Variants in MICAL3 observed in about 807,000 individuals in gnomAD.
MICAL3 encodes the protein [F-actin]-monooxygenase MICAL3.
MICAL3 carries 62 observed loss-of-function variants against 207.4 expected under a neutral mutation model. That is an observed-to-expected ratio of 0.30 (90% CI 0.24 to 0.37). MICAL3 has a LOEUF of 0.37. MICAL3 is among the 10% of genes least tolerant of loss of function. The pLI, the probability that MICAL3 is intolerant of heterozygous loss-of-function variation, is 1.00. For missense variants in MICAL3, 2,368 were observed against 2,635.6 expected, an observed-to-expected ratio of 0.90 and a Z score of 2.22; for synonymous variants, 1,077 against 1,069.3, an observed-to-expected ratio of 1.01 and a Z score of -0.14.
At position 17,821,471 on chromosome 22, in the gene MICAL3, C is replaced by A. The variant is rs1179519577; in HGVS notation, c.3487G>T (p.Glu1163Ter). 1 of 1,544,636 alleles carries A rather than the reference C, an allele frequency of 6.5e-7. No individual in the cohort carries two copies. Among genetic ancestry groups the A allele is most frequent in the Admixed American group, 2.1e-5 (1 of 48,442 alleles). The part of the protein sequence containing the change: ...QATSPIRSPQ[E>*]SALLFIPVHS... ...ACTGGAATGAACAGAAGAGCTGATTCCTGGGGAGACCGGATGGGGCTGGTG... is the reference window on the plus strand; with the variant it reads ...ACTGGAATGAACAGAAGAGCTGATTACTGGGGAGACCGGATGGGGCTGGTG... The change falls in exon 25 of 32, where the codon GAA becomes TAA. Residue 1163 changes from glutamate to a stop codon, truncating the protein, a stop_gained. Transcript: ENST00000441493. LOFTEE classifies it high-confidence loss of function.
chr22:17,916,088 A>G (rs1205718024), intron 1 of MICAL3, among the ~76,000 whole-genome samples: 2 of 148,352 alleles, frequency 1.3e-5, no homozygotes, highest in Non-Finnish European at 3.0e-5. Context: ...AAACCCAAAA[A>G]GCAACAAAAA....
rs1301758693 is a variant in MICAL3 at position 17,901,954 on chromosome 22, G to T, written c.615C>A (p.His205Gln). The T allele has an allele frequency of 1.2e-6, 2 of 1,613,436 alleles. No individual in the cohort carries two copies. Among genetic ancestry groups the T allele is most frequent in the Non-Finnish European group, 1.7e-6 (2 of 1,179,792 alleles). Residue 205 changes from histidine to glutamine, a missense_variant, in exon 5 of 32, where the codon CAC (histidine) becomes CAA (glutamine). Physicochemically the swap from His to Gln is conservative, Grantham distance 24. Transcript: ENST00000441493. ...NERIGWRALV[H>Q]PKTHPVSEYE... ...ACTCTGACACAGGATGAGTCTTGGGGTGCACCAGTGCCCGCCAGCCTATCC... is the reference window on the plus strand; with the variant it reads ...ACTCTGACACAGGATGAGTCTTGGGTTGCACCAGTGCCCGCCAGCCTATCC...
At chr22:18,016,026 T>C (rs1924032849) in intron 1 of MICAL3, among the ~76,000 whole-genome samples, 1 of 152,214 alleles carries the variant, frequency 6.6e-6, no homozygotes, top group Admixed American at 6.5e-5. Flanking sequence ...TGGGATAAAT[T>C]CCTGGGTCTG....
intron 16 of MICAL3, chr22:17,876,631 A>C (rs907636643): frequency 6.6e-6 from 1 of 152,526 alleles, no homozygotes; most frequent in Non-Finnish European, 1.5e-5. Flanking sequence ...GTCAGAGCCA[A>C]GGGGAGGAGT....
intron 1 of MICAL3, among the ~76,000 whole-genome samples, chr22:18,006,969 G>A (rs527641802): frequency 5.3e-5 from 8 of 152,116 alleles, no homozygotes; most frequent in South Asian, 2.1e-4. Flanking sequence ...CGATTCTCTC[G>A]TCTCAGCCAA....
At chr22:17,825,968 T>TC (rs1922137942) in intron 22 of MICAL3, among the ~76,000 whole-genome samples, 1 of 152,132 alleles carries the variant, frequency 6.6e-6, no homozygotes, top group Non-Finnish European at 1.5e-5. Flanking sequence ...ACCCAGCCTG[T>TC]CCCCACTTTC....
At chr22:17,976,846 G>A (rs1380539240) in intron 1 of MICAL3, among the ~76,000 whole-genome samples, 12 of 144,006 alleles carry the variant, frequency 8.3e-5, no homozygotes, top group Non-Finnish European at 1.4e-4. Context: ...TTGCTCTGTC[G>A]CCCAGGCTGG....
chr22:17,904,541 T>G (rs1397856424), intron 3 of MICAL3, 91 bp downstream of exon 3: 2 of 978,962 alleles, frequency 2.0e-6, no homozygotes, highest in Non-Finnish European at 3.3e-6. Flanking sequence ...GGGTGGCATA[T>G]GAATTCCTCA....
At chr22:17,799,645 T>G (rs2061915969) in intron 29 of MICAL3, among the ~76,000 whole-genome samples, 1 of 152,200 alleles carries the variant, frequency 6.6e-6, no homozygotes, top group Non-Finnish European at 1.5e-5. Flanking sequence ...AAGGCTGAGG[T>G]CCAGTCTAAA....
At chr22:17,972,987 G>A (rs931402050) in intron 1 of MICAL3, among the ~76,000 whole-genome samples, 3 of 152,206 alleles carry the variant, frequency 2.0e-5, no homozygotes, top group Admixed American at 6.5e-5. Flanking sequence ...TTGCCCAGCC[G>A]GGCCCACGTG....
intron 7 of MICAL3, among the ~76,000 whole-genome samples, chr22:17,898,783 G>A (rs1471520249): frequency 5.3e-5 from 8 of 152,142 alleles, no homozygotes; most frequent in Non-Finnish European, 1.5e-5. Flanking sequence ...ATCATCTCAG[G>A]GCACACCATG....
At chr22:17,910,148 C>A (rs1932018950) in intron 1 of MICAL3, among the ~76,000 whole-genome samples, 2 of 152,336 alleles carry the variant, frequency 1.3e-5, no homozygotes, top group Non-Finnish European at 2.9e-5. Flanking sequence ...CCATGACATT[C>A]TTGCTGAAGC....
At chr22:17,840,399 T>C (rs1168811810) in intron 20 of MICAL3, 1 of 152,228 alleles carries the variant, frequency 6.6e-6, no homozygotes, top group Non-Finnish European at 1.5e-5. Flanking sequence ...GCATGAATGC[T>C]AGTTTTAAAA....
In MICAL3 at chr22:17,817,527, T is replaced by C; in HGVS notation, c.5134A>G (p.Lys1712Glu). 2.5e-6 allele frequency: 4 copies of C among 1,613,554 alleles called. No individual in the cohort carries two copies. Among genetic ancestry groups the C allele is most frequent in the East Asian group, 2.2e-5 (1 of 44,872 alleles). Residue 1712 changes from lysine (K) to glutamate (E), a missense_variant, in exon 26 of 32, where the codon AAG (lysine) becomes GAG (glutamate). By Grantham distance (56) the Lys-to-Glu change is moderately conservative (BLOSUM62 1). Coordinates refer to ENST00000441493, the MANE Select transcript of MICAL3 (RefSeq NM_015241.3). Reference protein sequence around the residue: ...LFSPRRNKKEKKSKGEGRPPE... With the variant: ...LFSPRRNKKEEKSKGEGRPPE... ...GGCCGGCCCTCGCCTTTGGACTTCT[T>C]CTCCTTCTTGTTTCTGCGGGGGGAG...
chr22:17,978,258 A>G (rs1415396810), intron 1 of MICAL3, among the ~76,000 whole-genome samples: 1 of 152,222 alleles, frequency 6.6e-6, no homozygotes, highest in Non-Finnish European at 1.5e-5. Context: ...TGAATCTTGA[A>G]AACACCATGC....
chr22:17,895,406 T>C lies in MICAL3; in HGVS notation c.1327A>G (p.Ser443Gly), dbSNP rs1930740264. ...GTCTGAGGCAGCAACCTGTAAATAC[T>C]TTCCCTGCAATAACACAACAATATA... ...SPLEVLAERE[S>G]IYRLLPQTTP... The change falls in exon 10 of 32, where the codon AGT (serine) becomes GGT (glycine). Residue 443 changes from serine to glycine, a missense_variant. Transcript: ENST00000441493. 2 of 1,613,542 alleles carry C rather than the reference T, an allele frequency of 1.2e-6. No homozygotes were observed. Among genetic ancestry groups the C allele is most frequent in the Admixed American group, 3.3e-5 (2 of 59,976 alleles).
intron 10 of MICAL3, 78 bp from the exon 11 acceptor site, chr22:17,893,982 TGAAAG>T (rs1481073277): frequency 6.5e-6 from 7 of 1,084,078 alleles, no homozygotes; most frequent in South Asian, 5.4e-5. Context: ...GCAGAATGGC[TGAAAG>T]GAAAGTCTGG....
chr22:18,006,388 C>T (rs1039087015), intron 1 of MICAL3: 7 of 152,172 alleles, frequency 4.6e-5, no homozygotes, highest in Non-Finnish European at 1.0e-4. Flanking sequence ...AGAAATGGCC[C>T]TGGGTTGGGG....
intron 15 of MICAL3, among the ~76,000 whole-genome samples, chr22:17,886,633 C>T (rs1054275606): frequency 4.0e-5 from 6 of 151,866 alleles, no homozygotes; most frequent in Non-Finnish European, 8.8e-5. Context: ...GGTGAAAATC[C>T]GTCTCTACTA....
Sources: allele counts gnomAD v4.1 joint callset (sites outside exome capture counted in the v4.1 genomes callset), GRCh38; gene constraint gnomAD v4.1.1; transcripts MANE v1.5; gene names NCBI Gene and HGNC (gene_info 2026-07-23, HGNC 2026-07-21).